MACROD2: variants seen among roughly 807,000 people sequenced by gnomAD.
MACROD2 encodes ADP-ribose glycohydrolase MACROD2.
In MACROD2, 36 loss-of-function variants were observed where a neutral mutation model predicts 70.4. The observed-to-expected ratio is 0.51, with a 90% confidence interval of 0.39 to 0.68. The LOEUF (loss-of-function observed/expected upper bound fraction) is 0.68. Among genes scored for constraint, MACROD2 ranks in the 30% least tolerant of loss-of-function variants. The pLI is 0.00. For synonymous variants in MACROD2, 172 were observed against 178.8 expected, an observed-to-expected ratio of 0.96 and a Z score of 0.30; for missense variants, 496 against 538.4, an observed-to-expected ratio of 0.92 and a Z score of 0.78.
At chr20:15,543,533 GTTCT>G (rs10534851) in intron 8 of MACROD2, among the ~76,000 whole-genome samples, 29,594 of 151,780 alleles carry the variant, frequency 0.19, 3,211 homozygotes, top group African/African-American at 0.28. Flanking sequence ...ATGGTGAGAT[GTTCT>G]GCTACAGAGA....
At chr20:15,908,631 C>A (rs191270433) in intron 10 of MACROD2, among the ~76,000 whole-genome samples, 82 of 152,322 alleles carry the variant, frequency 5.4e-4, no homozygotes, top group African/African-American at 1.8e-3. Context: ...CTTTATGCTT[C>A]TCTTTTTCCT....
At chr20:15,021,262 C>CACACACCTGTGTGTATACACACACG (rs2075179045) in intron 5 of MACROD2, among the ~76,000 whole-genome samples, 4 of 6,216 alleles carry the variant, frequency 6.4e-4, no homozygotes, top group Non-Finnish European at 1.6e-3. Context: ...ATACACACAC[C>CACACACCTGTGTGTATACACACACG]TGTGTGTGTG....
intron 8 of MACROD2, among the ~76,000 whole-genome samples, chr20:15,563,056 C>A (rs1290372783): frequency 6.6e-6 from 1 of 152,152 alleles, no homozygotes; most frequent in Admixed American, 6.5e-5. Context: ...GGCTGGCAGA[C>A]AAATGGGGTC....
In MACROD2 at chr20:15,323,019, T is replaced by G. The variant is rs897162282; in HGVS notation, c.540+92958T>G. On this transcript the variant is annotated intron_variant, in intron 6 of 17. Coordinates refer to ENST00000684519, the MANE Select transcript of MACROD2 (RefSeq NM_001351661.2). ...AGTTGTTCCATGGTCTCTAATGACC[T>G]CAACTATGAAATAAGAGCTTGGGGT... is the stretch of plus-strand genomic sequence containing the variant. Among the ~76,000 whole-genome samples the G allele has an allele frequency of 6.9e-5, 8 of 115,372 alleles. 1 individual carries two copies. The highest frequency in any genetic ancestry group is 2.2e-4 in the African/African-American group (8 of 35,678). The allele number at this position is 115,372 out of a possible 152,430, so 75.7% of individuals were successfully genotyped here.
chr20:14,048,563 A>T (rs2073261867), intron 2 of MACROD2, among the ~76,000 whole-genome samples: 1 of 152,216 alleles, frequency 6.6e-6, no homozygotes, highest in Non-Finnish European at 1.5e-5. Flanking sequence ...ACGACCCTAA[A>T]GTTCTATGTG....
intron 6 of MACROD2, among the ~76,000 whole-genome samples, chr20:15,301,360 G>A (rs761049252): frequency 2.8e-4 from 43 of 152,278 alleles, no homozygotes; most frequent in East Asian, 5.8e-4. Flanking sequence ...GAGCCAGCAC[G>A]GGGCCTGGTT....
rs949599537 is a variant in MACROD2 at position 15,520,970 on chromosome 20, T to G, written c.645+21123T>G. Among the ~76,000 whole-genome samples the G allele has an allele frequency of 2.6e-5, 4 of 152,228 alleles. No homozygotes were observed. In the South Asian group the frequency reaches 8.3e-4, roughly 31 times the overall value. ...AACTTCAGCCAGCCTTTCATTCTGT[T>G]TCTCATCAGATACATTTAATGGCAA... On this transcript the variant is annotated intron_variant, in intron 8 of 17. Coordinates refer to ENST00000684519, the MANE Select transcript of MACROD2 (RefSeq NM_001351661.2).
Position 15,998,564 on chromosome 20 carries a change from C to CTTTTT in MACROD2, c.1153+11420_1153+11424dup, listed in dbSNP as rs34750465. Among the ~76,000 whole-genome samples the CTTTTT allele has an allele frequency of 1.3e-3, 154 of 117,536 alleles. 1 individual carries two copies. The highest frequency in any genetic ancestry group is 4.2e-3 in the Middle Eastern group (1 of 236). The allele number at this position is 117,536 out of a possible 152,430, so 77.1% of individuals were successfully genotyped here. Reference sequence around the variant, plus strand: ...ATAGTTTTATTTATTTGAGTTCTCTCTTTTTTTTTTTTTTTTTTGAGACGG... The same window carrying CTTTTT: ...ATAGTTTTATTTATTTGAGTTCTCTCTTTTTTTTTTTTTTTTTTTTTTTGAGACGG... On this transcript the variant is annotated intron_variant, in intron 15 of 17. Coordinates refer to ENST00000684519, the MANE Select transcript of MACROD2 (RefSeq NM_001351661.2).
intron 2 of MACROD2, among the ~76,000 whole-genome samples, chr20:14,044,617 C>A (rs1460761267): frequency 1.3e-5 from 2 of 152,108 alleles, no homozygotes; most frequent in Non-Finnish European, 2.9e-5. Context: ...CTCCACGTCC[C>A]CACTAGATTA....
intron 7 of MACROD2, among the ~76,000 whole-genome samples, chr20:15,464,209 T>C (rs2046855636): frequency 6.6e-6 from 1 of 152,124 alleles, no homozygotes; most frequent in Non-Finnish European, 1.5e-5. Flanking sequence ...GAGATGGGGT[T>C]CTCCCTGTGT....
chr20:14,573,011 A>G (rs1005498124), intron 4 of MACROD2, among the ~76,000 whole-genome samples: 2 of 151,876 alleles, frequency 1.3e-5, no homozygotes, highest in African/African-American at 4.8e-5. Context: ...AAAAGTAGAG[A>G]ATAGTCTAAG....
At chr20:15,525,852 C>T (rs896852479) in intron 8 of MACROD2, among the ~76,000 whole-genome samples, 17 of 152,140 alleles carry the variant, frequency 1.1e-4, no homozygotes, top group African/African-American at 3.9e-4. Context: ...GCTGGATACT[C>T]CTTATAGGGT....
At chr20:14,799,346 G>A (rs1568802432) in intron 5 of MACROD2, among the ~76,000 whole-genome samples, 1 of 151,966 alleles carries the variant, frequency 6.6e-6, no homozygotes, top group Non-Finnish European at 1.5e-5. Context: ...TAGTAATTTT[G>A]ATTGTCATTG....
At chr20:15,157,988 C>T (rs75582259) in intron 5 of MACROD2, among the ~76,000 whole-genome samples, 5,731 of 152,212 alleles carry the variant, frequency 0.038, 156 homozygotes, top group Non-Finnish European at 0.056. Context: ...ATTAAATTCT[C>T]TTCAGTTACC....
intron 5 of MACROD2, among the ~76,000 whole-genome samples, chr20:14,743,286 G>A (rs1415834293): frequency 6.6e-6 from 1 of 152,048 alleles, no homozygotes; most frequent in African/African-American, 2.4e-5. Context: ...TACCTTACAT[G>A]GCTAGAGGGA....
chr20:15,458,136 C>G (rs2046754991), intron 7 of MACROD2, among the ~76,000 whole-genome samples: 1 of 152,040 alleles, frequency 6.6e-6, no homozygotes, highest in Non-Finnish European at 1.5e-5. Flanking sequence ...ATGAATTATG[C>G]TATATAATGC....
chr20:14,268,225 G>A (rs750965161), intron 3 of MACROD2, among the ~76,000 whole-genome samples: 7 of 152,024 alleles, frequency 4.6e-5, no homozygotes, highest in Admixed American at 6.6e-5. Flanking sequence ...TAGCTTAGCA[G>A]AATGTCATTA....
intron 4 of MACROD2, among the ~76,000 whole-genome samples, chr20:14,638,864 C>T (rs540366830): frequency 2.0e-5 from 3 of 151,538 alleles, no homozygotes; most frequent in East Asian, 3.9e-4. Context: ...GCAGGAGAAT[C>T]ACTTGAACCC....
At chr20:14,678,316 G>C (rs1440407809) in intron 4 of MACROD2, among the ~76,000 whole-genome samples, 1 of 152,146 alleles carries the variant, frequency 6.6e-6, no homozygotes, top group Non-Finnish European at 1.5e-5. Context: ...AAAATTACAA[G>C]AGTGTTTGGG....
Sources: gnomAD v4.1 joint callset for allele counts (sites outside exome capture counted in the v4.1 genomes callset) on GRCh38, gnomAD v4.1.1 for gene constraint, MANE v1.5 for transcripts, NCBI Gene and HGNC (gene_info 2026-07-23, HGNC 2026-07-21) for gene names.